The following DOCK11 variants were observed in gnomAD, a reference collection of about 807,000 sequenced individuals.
The protein encoded by DOCK11 is dedicator of cytokinesis 11, also known as dedicator of cytokinesis protein 11.
A neutral mutation model predicts 169.1 loss-of-function variants in DOCK11; 70 were observed. The ratio of observed to expected loss-of-function variants is 0.41; its 90% CI spans 0.34 to 0.51. The LOEUF (loss-of-function observed/expected upper bound fraction) is 0.51. Ranked by LOEUF, DOCK11 falls within the 20% of genes least tolerant of loss-of-function variation. The pLI, the probability that DOCK11 is intolerant of heterozygous loss-of-function variation, is 0.10. For missense variants in DOCK11, 1,166 were observed against 1,538.8 expected, an observed-to-expected ratio of 0.76 and a Z score of 4.05; for synonymous variants, 529 against 541.3, an observed-to-expected ratio of 0.98 and a Z score of 0.32.
chrX:118,619,360 G>C (rs2014905078), intron 31 of DOCK11, among the ~76,000 whole-genome samples: 1 of 103,313 alleles, frequency 9.7e-6, no homozygotes, highest in Non-Finnish European at 2.0e-5. Context: ...TGTAGTCTTA[G>C]TTACTCGGGA....
intron 1 of DOCK11, among the ~76,000 whole-genome samples, chrX:118,511,179 T>C (rs2057649044): frequency 8.9e-6 from 1 of 112,665 alleles, no homozygotes. Flanking sequence ...CTCTGGCTAA[T>C]TGACCTGGCT....
chrX:118,586,906 A>G (rs1341772356), intron 16 of DOCK11, among the ~76,000 whole-genome samples: 1 of 111,692 alleles, frequency 9.0e-6, no homozygotes, highest in East Asian at 2.8e-4. Context: ...TGCCTTAAAA[A>G]ATTGAATTTT....
chrX:118,685,291 T>A (rs2016833571), intron 52 of DOCK11, among the ~76,000 whole-genome samples: 1 of 112,241 alleles, frequency 8.9e-6, no homozygotes, highest in Non-Finnish European at 1.9e-5. Flanking sequence ...GGTATCTGCA[T>A]GTTTCAAAAG....
chrX:118,542,520 TTG>T (rs1556262327), intron 1 of DOCK11, among the ~76,000 whole-genome samples: 3,444 of 103,832 alleles, frequency 0.033, 48 homozygotes, highest in Middle Eastern at 0.055. Context: ...GTGTGTGTGT[TTG>T]TGTGTGTGTG....
intron 34 of DOCK11, among the ~76,000 whole-genome samples, chrX:118,629,878 C>T (rs2015195446): frequency 1.1e-5 from 1 of 93,869 alleles, no homozygotes; most frequent in Non-Finnish European, 2.1e-5. Context: ...TGGTATTAAA[C>T]TCCTGGCCTC....
At chrX:118,680,835 G>A (rs1043032868) in intron 49 of DOCK11, 143 bp downstream of exon 49, 6 of 582,409 alleles carry the variant, frequency 1.0e-5, no homozygotes, top group African/African-American at 9.3e-5. Flanking sequence ...GCACAAGCAC[G>A]TCCATGTGAT....
intron 32 of DOCK11, 78 bp downstream of exon 32, chrX:118,624,733 G>T: frequency 8.6e-6 from 4 of 464,748 alleles, no homozygotes; most frequent in Non-Finnish European, 7.1e-6. Context: ...TATGCTATAT[G>T]ATCTCAACCT....
chrX:118,648,956 ATT>A lies in DOCK11; in HGVS notation c.4414_4415del (p.Phe1472GlnfsTer13). 8.5e-7 allele frequency: 1 copy of A among 1,178,258 alleles called. No homozygotes were observed. Among genetic ancestry groups the A allele is most frequent in the Non-Finnish European group, 1.1e-6 (1 of 882,854 alleles). On this transcript the variant is annotated frameshift_variant, in exon 41 of 53. Transcript: ENST00000276202. LOFTEE classifies it high-confidence loss of function. ...TCCCTGTTCTTTAGTTTCCTTCAGC[ATT>A]TTTCAAAGGAAGAGTAAACATGTGT... is the stretch of plus-strand genomic sequence containing the variant. Reference protein sequence around the residue: ...RAFISKFPSAFFKGRVNMCAA... With the variant: ...RAFISKFPSAXFKGRVNMCAA...
At chrX:118,598,394 TAAA>T (rs35643381) in intron 22 of DOCK11, among the ~76,000 whole-genome samples, 2 of 96,165 alleles carry the variant, frequency 2.1e-5, no homozygotes. Context: ...CCCTGTCTCT[TAAA>T]AAAAAAAAAA....
chrX:118,685,856 T>G lies in DOCK11; in HGVS notation c.*49T>G, dbSNP rs779621104. The G allele has an allele frequency of 2.5e-6, 3 of 1,188,013 alleles. No individual in the cohort carries two copies. On this transcript the variant is annotated 3_prime_UTR_variant, in exon 53 of 53. Coordinates refer to ENST00000276202, the MANE Select transcript of DOCK11 (RefSeq NM_144658.4). ...TGAGACTGACCTTTCTCAGGAATATTTGGAGCTGTGCAAATGTTAAAATTT... is the reference window on the plus strand; with the variant it reads ...TGAGACTGACCTTTCTCAGGAATATGTGGAGCTGTGCAAATGTTAAAATTT...
chrX:118,497,124 T>C (rs972592822), intron 1 of DOCK11, among the ~76,000 whole-genome samples: 3 of 112,678 alleles, frequency 2.7e-5, no homozygotes, highest in Admixed American at 9.3e-5. Flanking sequence ...TTGGTTGTTG[T>C]TTTTGTTTGT....
Position 118,648,955 on chromosome X carries a change from C to T in DOCK11, c.4409C>T (p.Ala1470Val). Residue 1470 changes from alanine (A) to valine (V), a missense_variant, in exon 41 of 53, where the codon GCA (alanine) becomes GTA (valine). Transcript: ENST00000276202. ...TTCCCTGTTCTTTAGTTTCCTTCAG[C>T]ATTTTTCAAAGGAAGAGTAAACATG... ...LRAFISKFPS[A>V]FFKGRVNMCA... 8.5e-7 allele frequency: 1 copy of T among 1,176,131 alleles called. No individual in the cohort carries two copies. Among genetic ancestry groups the T allele is most frequent in the Non-Finnish European group, 1.1e-6 (1 of 881,313 alleles).
intron 1 of DOCK11, among the ~76,000 whole-genome samples, chrX:118,531,280 T>C (rs113690487): frequency 3.5e-4 from 37 of 106,982 alleles, no homozygotes; most frequent in African/African-American, 1.2e-3. Context: ...ATAGGGAGAC[T>C]TCATCTCTAC....
rs2014059852 is a variant in DOCK11, at chrX:118,593,290, T to C, written c.2216T>C (p.Ile739Thr). 8.3e-7 allele frequency: 1 copy of C among 1,205,994 alleles called. No individual in the cohort carries two copies. Residue 739 changes from isoleucine to threonine, a missense_variant, in exon 20 of 53, where the codon ATT becomes ACT. Ile to Thr is a moderately conservative substitution (Grantham distance 89). Transcript: ENST00000276202. ...ACTTTTTATCATGTAAGTTGTGAAA[T>C]TAACACAAAGGGAACAACCAAAAAG... Reference protein sequence around the residue: ...LFTFYHVSCEINTKGTTKKQD... With the variant: ...LFTFYHVSCETNTKGTTKKQD...
chrX:118,643,223 C>T (rs2015575560), intron 39 of DOCK11, among the ~76,000 whole-genome samples: 2 of 110,768 alleles, frequency 1.8e-5, no homozygotes, highest in South Asian at 7.6e-4. Flanking sequence ...TGCTGTGTTG[C>T]ATTGAAAAAA....
At chrX:118,513,904 A>C (rs750237134) in intron 1 of DOCK11, among the ~76,000 whole-genome samples, 1 of 111,415 alleles carries the variant, frequency 9.0e-6, no homozygotes, top group Non-Finnish European at 1.9e-5. Flanking sequence ...TACCAGGTGC[A>C]GTTGAGTAGG....
At chrX:118,512,070 T>C (rs1388722218) in intron 1 of DOCK11, among the ~76,000 whole-genome samples, 2 of 111,719 alleles carry the variant, frequency 1.8e-5, no homozygotes, top group Non-Finnish European at 1.9e-5. Context: ...CACGCCGCCA[T>C]GCGTGTATTT....
At chrX:118,518,545 T>G (rs750578448) in intron 1 of DOCK11, among the ~76,000 whole-genome samples, 1 of 111,829 alleles carries the variant, frequency 8.9e-6, no homozygotes, top group South Asian at 3.7e-4. Flanking sequence ...CCCCATCTCT[T>G]AAAGAAATGG....
intron 20 of DOCK11, among the ~76,000 whole-genome samples, chrX:118,594,912 T>C (rs1301904626): frequency 9.1e-6 from 1 of 110,378 alleles, no homozygotes; most frequent in Non-Finnish European, 1.9e-5. Flanking sequence ...AGGCAGAGTA[T>C]CAAGAGGCAT....
Sources: allele counts gnomAD v4.1 joint callset (sites outside exome capture counted in the v4.1 genomes callset), GRCh38; gene constraint gnomAD v4.1.1; transcripts MANE v1.5; gene names NCBI Gene and HGNC (gene_info 2026-07-23, HGNC 2026-07-21).